MECOM: variants seen among roughly 807,000 people sequenced by gnomAD.
MECOM encodes the protein MDS1 and EVI1 complex locus.
A neutral mutation model predicts 116.3 loss-of-function variants in MECOM; 13 were observed. The observed-to-expected ratio is 0.11, with a 90% CI of 0.07 to 0.18. The LOEUF is 0.18. Among genes scored for constraint, MECOM ranks in the 10% least tolerant of loss-of-function variants. MECOM has a pLI of 1.00. For synonymous variants in MECOM, 528 were observed against 535.2 expected (o/e 0.99, Z 0.19); for missense variants, 1,299 against 1,509.0 (o/e 0.86, Z 2.31).
At chr3:169,148,136 A>C (rs1274071224) in intron 2 of MECOM, among the ~76,000 whole-genome samples, 2 of 152,214 alleles carry the variant, frequency 1.3e-5, no homozygotes, top group Non-Finnish European at 2.9e-5. Flanking sequence ...AGATATTTTA[A>C]AATCTGAAAA....
intron 1 of MECOM, among the ~76,000 whole-genome samples, chr3:169,462,598 A>C (rs1747634143): frequency 6.6e-6 from 1 of 152,190 alleles, no homozygotes; most frequent in South Asian, 2.1e-4. Flanking sequence ...AATGGAAAAA[A>C]ATGAAGACTT....
At position 169,412,984 on chromosome 3, in the gene MECOM, C is replaced by T. The variant is rs1447110377; in HGVS notation, c.38-31460G>A. 4.6e-5 allele frequency among the ~76,000 whole-genome samples: 7 copies of T among 152,340 alleles called. No individual in the cohort carries two copies. The East Asian group carries it at 1.3e-3, about 29-fold the overall frequency. On this transcript the variant is annotated intron_variant, in intron 1 of 16. Coordinates refer to ENST00000651503, the MANE Select transcript of MECOM (RefSeq NM_004991.4). Reference sequence around the variant, plus strand: ...ATAACACCAGTGACTTTAACAACCCCTGCACTTTATTCAAATTGTTTTAGA... The same window carrying T: ...ATAACACCAGTGACTTTAACAACCCTTGCACTTTATTCAAATTGTTTTAGA...
intron 1 of MECOM, among the ~76,000 whole-genome samples, chr3:169,584,001 G>A (rs1044356576): frequency 6.6e-6 from 1 of 152,032 alleles, no homozygotes; most frequent in Admixed American, 6.6e-5. Context: ...GTCACAACTG[G>A]CCAAATCCTG....
chr3:169,126,749 G>A (rs1733008655), intron 5 of MECOM, among the ~76,000 whole-genome samples: 1 of 151,940 alleles, frequency 6.6e-6, no homozygotes, highest in Admixed American at 6.6e-5. Flanking sequence ...ACTACTAGAT[G>A]AAATCCTTTC....
At chr3:169,299,258 T>C (rs535772454) in intron 2 of MECOM, among the ~76,000 whole-genome samples, 43 of 152,106 alleles carry the variant, frequency 2.8e-4, no homozygotes, top group African/African-American at 1.0e-3. Flanking sequence ...AAAGCAGCTC[T>C]CCCAGCATGA....
intron 9 of MECOM, among the ~76,000 whole-genome samples, chr3:169,112,213 A>G (rs946344008): frequency 2.0e-5 from 3 of 152,178 alleles, no homozygotes; most frequent in Non-Finnish European, 4.4e-5. Flanking sequence ...TTTTCCTTGC[A>G]ATGATAAACT....
chr3:169,259,727 CA>C (rs1342678256), intron 2 of MECOM, among the ~76,000 whole-genome samples: 2 of 152,090 alleles, frequency 1.3e-5, no homozygotes, highest in South Asian at 4.1e-4. Context: ...TACCCTGTCT[CA>C]AAAAAACATA....
intron 1 of MECOM, among the ~76,000 whole-genome samples, chr3:169,456,550 C>A (rs1236663792): frequency 2.0e-5 from 3 of 152,094 alleles, no homozygotes; most frequent in Non-Finnish European, 4.4e-5. Flanking sequence ...TATAAAGTGC[C>A]ATGGACTGTC....
chr3:169,572,482 C>G (rs1360964169), intron 1 of MECOM, among the ~76,000 whole-genome samples: 1 of 152,186 alleles, frequency 6.6e-6, no homozygotes, highest in Non-Finnish European at 1.5e-5. Flanking sequence ...CCAGCAATCC[C>G]ATTGCTGGGT....
At chr3:169,232,842 T>C (rs2149525669) in intron 2 of MECOM, among the ~76,000 whole-genome samples, 1 of 152,180 alleles carries the variant, frequency 6.6e-6, no homozygotes, top group Non-Finnish European at 1.5e-5. Context: ...CAGCTTAAAC[T>C]CTAGTGCCAA....
intron 10 of MECOM, among the ~76,000 whole-genome samples, chr3:169,102,911 A>G (rs1457149965): frequency 6.6e-6 from 1 of 151,998 alleles, no homozygotes; most frequent in African/African-American, 2.4e-5. Context: ...ATTTCATATA[A>G]CATAACTTGG....
chr3:169,507,650 C>CTTTTTTTTTTTTTTTTTTTTTTTTTTTTT lies in MECOM; in HGVS notation c.38-126155_38-126127dup, dbSNP rs1165167849. On this transcript the variant is annotated intron_variant, in intron 1 of 16. Coordinates refer to ENST00000651503, the MANE Select transcript of MECOM (RefSeq NM_004991.4). Reference sequence around the variant, plus strand: ...CAATTTTGGTTTAAATCCCCACTTGCTTTTTTTTTTTTTTTTTTTTTTTTT... The same window carrying CTTTTTTTTTTTTTTTTTTTTTTTTTTTTT: ...CAATTTTGGTTTAAATCCCCACTTGCTTTTTTTTTTTTTTTTTTTTTTTTTTTTTTTTTTTTTTTTTTTTTTTTTTTTTT... 1.0e-4 allele frequency among the ~76,000 whole-genome samples: 6 copies of CTTTTTTTTTTTTTTTTTTTTTTTTTTTTT among 57,146 alleles called. 1 individual carries two copies. Among genetic ancestry groups the CTTTTTTTTTTTTTTTTTTTTTTTTTTTTT allele is most frequent in the African/African-American group, 2.5e-4 (3 of 12,236 alleles). 37.5% of individuals were successfully genotyped at this position (57,146 alleles called of 152,430 possible).
At chr3:169,365,449 A>G (rs1487471925) in intron 2 of MECOM, among the ~76,000 whole-genome samples, 1 of 152,034 alleles carries the variant, frequency 6.6e-6, no homozygotes. Flanking sequence ...TCTACTGACT[A>G]TCCGATACTC....
At chr3:169,213,242 T>C (rs16853316) in intron 2 of MECOM, among the ~76,000 whole-genome samples, 16,131 of 152,108 alleles carry the variant, frequency 0.11, 960 homozygotes, top group Non-Finnish European at 0.13. Flanking sequence ...TTGAAAAATA[T>C]CTTTTGAATT....
intron 2 of MECOM, among the ~76,000 whole-genome samples, chr3:169,212,636 G>GTATATATA (rs61115570): frequency 7.7e-5 from 2 of 26,062 alleles, no homozygotes; most frequent in Non-Finnish European, 1.4e-4. Flanking sequence ...AGTCAGCAAT[G>GTATATATA]TATATATATA....
At chr3:169,644,619 T>C (rs1773926595) in intron 1 of MECOM, among the ~76,000 whole-genome samples, 1 of 152,158 alleles carries the variant, frequency 6.6e-6, no homozygotes, top group African/African-American at 2.4e-5. Flanking sequence ...CTCAAAATTC[T>C]CATAAAAACC....
intron 1 of MECOM, among the ~76,000 whole-genome samples, chr3:169,384,411 C>T (rs1000053459): frequency 7.9e-5 from 12 of 152,150 alleles, no homozygotes; most frequent in African/African-American, 2.4e-4. Flanking sequence ...AAGGTCCAAA[C>T]ATACTCAACA....
intron 2 of MECOM, among the ~76,000 whole-genome samples, chr3:169,333,862 T>TTCCTTCCTTCCTACTC (rs1723139725): frequency 6.9e-6 from 1 of 144,736 alleles, no homozygotes; most frequent in African/African-American, 2.6e-5. Flanking sequence ...CCTTCCTTCT[T>TTCCTTCCTTCCTACTC]TCCTTCCTTC....
At chr3:169,585,329 GA>G (rs1186520905) in intron 1 of MECOM, among the ~76,000 whole-genome samples, 1 of 152,086 alleles carries the variant, frequency 6.6e-6, no homozygotes, top group Admixed American at 6.5e-5. Context: ...AAGATTTAAG[GA>G]TTGAAGAGAT....
Sources: gnomAD v4.1 joint callset for allele counts (sites outside exome capture counted in the v4.1 genomes callset) on GRCh38, gnomAD v4.1.1 for gene constraint, MANE v1.5 for transcripts, NCBI Gene and HGNC (gene_info 2026-07-23, HGNC 2026-07-21) for gene names.